The following UBE3D variants were observed in gnomAD, a reference collection of about 807,000 sequenced individuals.
UBE3D encodes E3 ubiquitin-protein ligase E3D.
UBE3D carries 48 observed loss-of-function variants against 49.6 expected under a neutral mutation model. The ratio of observed to expected loss-of-function variants is 0.97; its 90% confidence interval spans 0.77 to 1.23. The LOEUF is 1.23. Among genes scored for constraint, UBE3D ranks in the 50% most tolerant of loss-of-function variants. The probability of loss-of-function intolerance (pLI) is 0.00; values close to 1 mark genes in which losing one functional copy is unlikely to be tolerated. For missense variants in UBE3D, 452 were observed against 468.4 expected, an observed-to-expected ratio of 0.96 and a Z score of 0.32; for synonymous variants, 189 against 174.2, an observed-to-expected ratio of 1.08 and a Z score of -0.67.
At chr6:82,898,854 T>C (rs891058318) in intron 9 of UBE3D, among the ~76,000 whole-genome samples, 1 of 152,018 alleles carries the variant, frequency 6.6e-6, no homozygotes, top group Non-Finnish European at 1.5e-5. Flanking sequence ...AAGATATTTC[T>C]CTCTCTGGGC....
At chr6:82,950,977 G>A (rs1775749451) in intron 9 of UBE3D, among the ~76,000 whole-genome samples, 2 of 151,550 alleles carry the variant, frequency 1.3e-5, no homozygotes, top group Admixed American at 1.3e-4. Flanking sequence ...GGAGGGATGA[G>A]GGAAGTGGGG....
chr6:82,975,620 A>C (rs1370625770), intron 8 of UBE3D, among the ~76,000 whole-genome samples: 1 of 152,174 alleles, frequency 6.6e-6, no homozygotes, highest in South Asian at 2.1e-4. Context: ...ATGTCTTTGA[A>C]TGCTTTAAAA....
chr6:83,025,631 C>T (rs989080043), intron 5 of UBE3D, among the ~76,000 whole-genome samples: 1 of 151,922 alleles, frequency 6.6e-6, no homozygotes, highest in African/African-American at 2.4e-5. Context: ...GCCTGTAATC[C>T]CAGCACTTTG....
chr6:82,988,307 A>G (rs1293236804), intron 8 of UBE3D, among the ~76,000 whole-genome samples: 8 of 152,184 alleles, frequency 5.3e-5, no homozygotes, highest in Non-Finnish European at 1.2e-4. Flanking sequence ...AATGGGAGTA[A>G]GAAAATTGAT....
intron 1 of UBE3D, among the ~76,000 whole-genome samples, chr6:83,061,403 T>C (rs192716121): frequency 2.0e-5 from 3 of 152,366 alleles, no homozygotes; most frequent in African/African-American, 7.2e-5. Context: ...CATTTCCCAA[T>C]TGTGAGTGTT....
chr6:82,969,437 T>G (rs1777186529), intron 8 of UBE3D, among the ~76,000 whole-genome samples: 1 of 151,986 alleles, frequency 6.6e-6, no homozygotes, highest in South Asian at 2.1e-4. Flanking sequence ...TGAAATCCCG[T>G]CTTTACTAAA....
At chr6:82,901,873 G>A (rs1327818047) in intron 9 of UBE3D, among the ~76,000 whole-genome samples, 4 of 152,180 alleles carry the variant, frequency 2.6e-5, no homozygotes, top group African/African-American at 7.2e-5. Flanking sequence ...TTTTGTTCAC[G>A]ATGTAGAGAC....
intron 3 of UBE3D, among the ~76,000 whole-genome samples, chr6:83,050,403 G>A (rs1783396142): frequency 1.3e-5 from 2 of 152,094 alleles, no homozygotes; most frequent in Admixed American, 1.3e-4. Flanking sequence ...TCCTCATTTT[G>A]CAGATGAGGA....
intron 8 of UBE3D, among the ~76,000 whole-genome samples, chr6:82,977,971 T>C (rs911538432): frequency 1.3e-5 from 2 of 152,126 alleles, no homozygotes; most frequent in Admixed American, 6.6e-5. Flanking sequence ...AAACTTTTCC[T>C]GTAGCAGCTC....
chr6:83,013,057 G>A (rs750304869), intron 8 of UBE3D, among the ~76,000 whole-genome samples: 2 of 152,196 alleles, frequency 1.3e-5, no homozygotes, highest in Non-Finnish European at 2.9e-5. Flanking sequence ...ATGGGCATTT[G>A]AGCCACTTCC....
intron 8 of UBE3D, among the ~76,000 whole-genome samples, chr6:83,013,704 C>T (rs867205096): frequency 1.3e-5 from 2 of 152,204 alleles, no homozygotes; most frequent in Non-Finnish European, 2.9e-5. Flanking sequence ...CTCAACAGGC[C>T]CCACACCACT....
intron 5 of UBE3D, among the ~76,000 whole-genome samples, chr6:83,033,867 C>T (rs1782053771): frequency 6.6e-6 from 1 of 152,210 alleles, no homozygotes; most frequent in Non-Finnish European, 1.5e-5. Context: ...TCTCCACCAC[C>T]TACCCTAAAC....
chr6:82,951,784 A>C (rs1775816044), intron 9 of UBE3D, among the ~76,000 whole-genome samples: 1 of 152,180 alleles, frequency 6.6e-6, no homozygotes, highest in African/African-American at 2.4e-5. Context: ...CTACTGTGCC[A>C]TTCTGACCAA....
intron 8 of UBE3D, among the ~76,000 whole-genome samples, chr6:82,966,281 CAG>C (rs1202661046): frequency 4.6e-5 from 7 of 152,034 alleles, no homozygotes; most frequent in Non-Finnish European, 7.4e-5. Context: ...TGCTAGTGGG[CAG>C]AGTTTCATTT....
chr6:83,018,785 G>C, intron 8 of UBE3D, 188 bp downstream of exon 8: 1 of 656,242 alleles, frequency 1.5e-6, no homozygotes. Context: ...CAAGCTTTCT[G>C]CATATTAACA....
chr6:83,008,380 G>A (rs976415351), intron 8 of UBE3D, among the ~76,000 whole-genome samples: 1 of 152,058 alleles, frequency 6.6e-6, no homozygotes. Flanking sequence ...TCTAAATGCT[G>A]ATAAACAAAC....
intron 4 of UBE3D, among the ~76,000 whole-genome samples, chr6:83,039,160 A>G (rs554699714): frequency 1.3e-4 from 20 of 152,336 alleles, no homozygotes; most frequent in African/African-American, 3.4e-4. Flanking sequence ...TCCCATCCAT[A>G]GTTATACCTT....
intron 4 of UBE3D, among the ~76,000 whole-genome samples, 170 bp from the exon 5 acceptor site, chr6:83,038,655 A>AC (rs1782439446): frequency 6.6e-6 from 1 of 152,194 alleles, no homozygotes; most frequent in African/African-American, 2.4e-5. Context: ...CACAGAGAAA[A>AC]TTTTTCAAGT....
At chr6:82,986,980 C>T (rs192034434) in intron 8 of UBE3D, among the ~76,000 whole-genome samples, 1 of 151,790 alleles carries the variant, frequency 6.6e-6, no homozygotes, top group East Asian at 1.9e-4. Context: ...AGTCTTGATC[C>T]GTCGCCCAGG....
Sources: allele counts gnomAD v4.1 joint callset (sites outside exome capture counted in the v4.1 genomes callset), GRCh38; gene constraint gnomAD v4.1.1; transcripts MANE v1.5; gene names NCBI Gene and HGNC (gene_info 2026-07-23, HGNC 2026-07-21).